CLVS1: variants seen among roughly 807,000 people sequenced by gnomAD.
The protein encoded by CLVS1 is clavesin 1.
In CLVS1, 10 loss-of-function variants were observed where a neutral mutation model predicts 33.1. The observed-to-expected ratio is 0.30, with a 90% confidence interval of 0.19 to 0.51. The LOEUF is 0.51. CLVS1 is among the 20% of genes least tolerant of loss of function. The pLI, the probability that CLVS1 is intolerant of heterozygous loss-of-function variation, is 0.97. For synonymous variants in CLVS1, 163 were observed against 166.1 expected (o/e 0.98, Z 0.14); for missense variants, 343 against 433.4 (o/e 0.79, Z 1.85).
In CLVS1 at chr8:61,500,975, A is replaced by AT. The variant is rs1017358502; in HGVS notation, c.*1439dup. The AT allele has an allele frequency of 3.3e-5, 5 of 152,228 alleles. No individual in the cohort carries two copies. Among genetic ancestry groups the AT allele is most frequent in the South Asian group, 2.1e-4 (1 of 4,828 alleles). The allele number at this position is 152,228 out of a possible 1,614,324, so 9.4% of individuals were successfully genotyped here. On this transcript the variant is annotated 3_prime_UTR_variant, in exon 6 of 6. Transcript: ENST00000325897. ...CTTTCTCAATGGATCTAATGTTTTA[A>AT]TTTTTTCCCCTATTGGTAGAGAACA...
intron 1 of CLVS1, among the ~76,000 whole-genome samples, chr8:61,096,858 A>T (rs967418570): frequency 6.6e-6 from 1 of 151,994 alleles, no homozygotes; most frequent in African/African-American, 2.4e-5. Flanking sequence ...CCCTCACCCC[A>T]ACTAACTGGC....
chr8:61,360,320 A>C (rs895007835), intron 2 of CLVS1, among the ~76,000 whole-genome samples: 2 of 152,200 alleles, frequency 1.3e-5, no homozygotes, highest in Non-Finnish European at 2.9e-5. Flanking sequence ...AGATGATTCT[A>C]GAAGTCCCCT....
chr8:61,415,706 C>G (rs112256259), intron 3 of CLVS1, among the ~76,000 whole-genome samples: 4,938 of 152,184 alleles, frequency 0.032, 238 homozygotes, highest in African/African-American at 0.11. Flanking sequence ...TTTGCTTTCA[C>G]ACATGCACAA....
chr8:61,000,514 C>T, the CLVS1 span, among the ~76,000 whole-genome samples: 609 of 152,152 alleles, frequency 4.0e-3, 4 homozygotes, highest in African/African-American at 0.014. Context: ...GATGGATTGC[C>T]GATGAACCTA....
At chr8:61,177,620 A>G (rs1000714142) in intron 2 of CLVS1, among the ~76,000 whole-genome samples, 8 of 152,228 alleles carry the variant, frequency 5.3e-5, no homozygotes, top group African/African-American at 1.7e-4. Flanking sequence ...GAGATTCCAG[A>G]GGAAGGAGCA....
At chr8:60,975,349 A>G in the CLVS1 span, among the ~76,000 whole-genome samples, 5 of 152,194 alleles carry the variant, frequency 3.3e-5, no homozygotes, top group East Asian at 1.9e-4. Context: ...TATTATTTTT[A>G]AAAACTAGGG....
intron 1 of CLVS1, among the ~76,000 whole-genome samples, chr8:61,122,031 C>T (rs1038252141): frequency 6.6e-6 from 1 of 152,184 alleles, no homozygotes; most frequent in Non-Finnish European, 1.5e-5. Context: ...TAAACACCAC[C>T]ACCACTGGAT....
chr8:61,033,798 C>G, the CLVS1 span, among the ~76,000 whole-genome samples: 1 of 152,344 alleles, frequency 6.6e-6, no homozygotes, highest in South Asian at 2.1e-4. Context: ...TGCTGCAAGT[C>G]AGGGCTGCAC....
chr8:61,456,955 C>T (rs115473928), intron 4 of CLVS1, among the ~76,000 whole-genome samples: 1,568 of 149,840 alleles, frequency 0.01, 33 homozygotes, highest in African/African-American at 0.036. Context: ...TTTTTTTTCC[C>T]GAGTTGGAGT....
chr8:61,454,017 A>G (rs1256076057), intron 3 of CLVS1, 124 bp from the exon 4 acceptor site: 2 of 724,628 alleles, frequency 2.8e-6, no homozygotes, highest in Non-Finnish European at 5.0e-6. Context: ...TCCTCTCCTC[A>G]TCCTGAAGCT....
intron 2 of CLVS1, among the ~76,000 whole-genome samples, chr8:61,187,778 A>T (rs1807373243): frequency 6.7e-6 from 1 of 149,840 alleles, no homozygotes; most frequent in Non-Finnish European, 1.5e-5. Flanking sequence ...ATTATATATA[A>T]GATCTATGTA....
intron 2 of CLVS1, among the ~76,000 whole-genome samples, chr8:61,139,513 G>A (rs1806264936): frequency 6.6e-6 from 1 of 152,356 alleles, no homozygotes; most frequent in African/African-American, 2.4e-5. Context: ...GAAAGTGGTG[G>A]CGCTGCCAGC....
the CLVS1 span, among the ~76,000 whole-genome samples, chr8:61,049,009 G>A: frequency 6.6e-6 from 1 of 152,210 alleles, no homozygotes; most frequent in Non-Finnish European, 1.5e-5. Flanking sequence ...GAAGGGTCCA[G>A]AATTTTGAGG....
intron 2 of CLVS1, among the ~76,000 whole-genome samples, chr8:61,188,113 T>A (rs1457949017): frequency 1.3e-5 from 2 of 152,128 alleles, no homozygotes; most frequent in African/African-American, 4.8e-5. Context: ...AGATAGGTAA[T>A]GTAGCTGAAA....
At chr8:60,982,940 A>C in the CLVS1 span, among the ~76,000 whole-genome samples, 1 of 152,136 alleles carries the variant, frequency 6.6e-6, no homozygotes, top group African/African-American at 2.4e-5. Context: ...CTTGATTCAA[A>C]AAACAAACAA....
At chr8:61,477,497 A>T (rs1482270527) in intron 5 of CLVS1, among the ~76,000 whole-genome samples, 2 of 151,892 alleles carry the variant, frequency 1.3e-5, no homozygotes, top group African/African-American at 4.8e-5. Context: ...GTCTATACAG[A>T]GATTCAACTT....
chr8:61,003,756 A>G, the CLVS1 span, among the ~76,000 whole-genome samples: 1 of 152,202 alleles, frequency 6.6e-6, no homozygotes, highest in Admixed American at 6.5e-5. Context: ...CCATTCGTTC[A>G]TTCACTTAAC....
intron 3 of CLVS1, among the ~76,000 whole-genome samples, chr8:61,450,529 G>A (rs1816913677): frequency 6.6e-6 from 1 of 152,162 alleles, no homozygotes; most frequent in African/African-American, 2.4e-5. Flanking sequence ...TAAAGAATAT[G>A]CCAACTGTTC....
intron 1 of CLVS1, among the ~76,000 whole-genome samples, chr8:61,114,720 T>A (rs1805686682): frequency 1.3e-5 from 2 of 152,240 alleles, no homozygotes; most frequent in African/African-American, 4.8e-5. Flanking sequence ...ATATTAAATA[T>A]CTTATAAACA....
Sources: gnomAD v4.1 joint callset for allele counts (sites outside exome capture counted in the v4.1 genomes callset) on GRCh38, gnomAD v4.1.1 for gene constraint, MANE v1.5 for transcripts, NCBI Gene and HGNC (gene_info 2026-07-23, HGNC 2026-07-21) for gene names.